Variants in MTMR10 observed in about 807,000 individuals in gnomAD.
MTMR10 encodes myotubularin related protein 10, also known as myotubularin-related protein 10.
A neutral mutation model predicts 88.1 loss-of-function variants in MTMR10; 56 were observed. That is an observed-to-expected ratio of 0.64 (90% CI 0.51 to 0.79). The LOEUF is 0.79. MTMR10 is among the 30% of genes least tolerant of loss of function. The pLI, the probability that MTMR10 is intolerant of heterozygous loss-of-function variation, is 0.00. For missense variants in MTMR10, 883 were observed against 924.7 expected (o/e 0.95, Z 0.58); for synonymous variants, 380 against 340.9 (o/e 1.11, Z -1.26).
At chr15:30,925,042 C>T in the MTMR10 span, 2 of 1,396,160 alleles carry the variant, frequency 1.4e-6, no homozygotes, top group African/African-American at 1.4e-5. Context: ...CAATAATAAA[C>T]AGTGGGCTTT....
At chr15:30,955,903 G>T (rs1391315243) in intron 9 of MTMR10, among the ~76,000 whole-genome samples, 55 of 151,494 alleles carry the variant, frequency 3.6e-4, no homozygotes, top group Non-Finnish European at 5.9e-5. Context: ...GGGGTCTCTA[G>T]ATCTTTTCAA....
chr15:30,930,382 G>C, the MTMR10 span, among the ~76,000 whole-genome samples: 15,766 of 152,166 alleles, frequency 0.1, 898 homozygotes, highest in African/African-American at 0.15. Flanking sequence ...CCATGGCTCT[G>C]CAGCTCTGGT....
intron 2 of MTMR10, among the ~76,000 whole-genome samples, chr15:30,989,402 C>T (rs994440569): frequency 1.3e-5 from 2 of 152,210 alleles, no homozygotes; most frequent in South Asian, 2.1e-4. Flanking sequence ...TTTAAACTTT[C>T]ATATGGAACC....
In MTMR10 at chr15:30,941,302, A is replaced by ATAAG; in HGVS notation, c.*164_*167dup. The ATAAG allele has an allele frequency of 2.0e-6, 3 of 1,521,538 alleles. No individual in the cohort carries two copies. The highest frequency in any genetic ancestry group is 2.4e-5 in the South Asian group (2 of 82,870). The allele number at this position is 1,521,538 out of a possible 1,614,324, so 94.3% of individuals were successfully genotyped here. On this transcript the variant is annotated 3_prime_UTR_variant, in exon 16 of 16. Transcript: ENST00000435680. ...GAACAAAATTTACATCTCTCTTAAA[A>ATAAG]TAAGTGTGAAAGAAGCATGATTCAA...
At position 30,944,609 on chromosome 15, in the gene MTMR10, T is replaced by C. The variant is rs948776059; in HGVS notation, c.1549-1537A>G. On this transcript the variant is annotated intron_variant, in intron 14 of 15. Coordinates refer to ENST00000435680, the MANE Select transcript of MTMR10 (RefSeq NM_017762.3). ...ATTTTAGTTACTTGACATTTCATCATGTACATGGATTAAAAACAATCCATT... is the reference window on the plus strand; with the variant it reads ...ATTTTAGTTACTTGACATTTCATCACGTACATGGATTAAAAACAATCCATT... 2.6e-5 allele frequency among the ~76,000 whole-genome samples: 4 copies of C among 151,758 alleles called. No individual in the cohort carries two copies. The East Asian group carries it at 5.8e-4, about 22-fold the overall frequency.
intron 2 of MTMR10, among the ~76,000 whole-genome samples, chr15:30,982,087 G>T (rs1290967580): frequency 7.0e-6 from 1 of 141,972 alleles, no homozygotes; most frequent in South Asian, 2.2e-4. Context: ...AAAAAGAAAA[G>T]AAAAAGAAAA....
chr15:30,929,270 T>A, the MTMR10 span: 1 of 1,613,668 alleles, frequency 6.2e-7, no homozygotes. Context: ...GAGGCCAGGC[T>A]GCAGCTGATT....
the MTMR10 span, among the ~76,000 whole-genome samples, chr15:30,932,208 C>T: frequency 1.1e-3 from 124 of 113,610 alleles, no homozygotes; most frequent in Admixed American, 5.0e-3. Context: ...GGCAACAGAG[C>T]GAGACTCCAT....
At chr15:30,991,408 C>A in intron 1 of MTMR10, 39 bp downstream of exon 1, 2 of 1,451,294 alleles carry the variant, frequency 1.4e-6, no homozygotes, top group Non-Finnish European at 1.8e-6. Flanking sequence ...CACGGAAGCG[C>A]AGAGGAGAGT....
Position 30,941,693 on chromosome 15 carries a change from A to AGG in MTMR10, c.2109_2110dup (p.Leu704ProfsTer42). 1 of 1,613,778 alleles carries AGG rather than the reference A, an allele frequency of 6.2e-7. No homozygotes were observed. The highest frequency in any genetic ancestry group is 8.5e-7 in the Non-Finnish European group (1 of 1,179,802). ...GCCCAGCTCCCCATAGCAGGCCTCC[A>AGG]GGGGGCCACTGCGCTGTTGCCGCAG... is the stretch of plus-strand genomic sequence containing the variant. On this transcript the variant is annotated frameshift_variant, in exon 16 of 16. Coordinates refer to ENST00000435680, the MANE Select transcript of MTMR10 (RefSeq NM_017762.3). LOFTEE classifies it high-confidence loss of function.
chr15:30,970,299 G>GA (rs2063521953), intron 5 of MTMR10, among the ~76,000 whole-genome samples: 2 of 151,960 alleles, frequency 1.3e-5, no homozygotes, highest in Non-Finnish European at 2.9e-5. Context: ...AAGATAAAGA[G>GA]AAAAAATACA....
chr15:30,981,061 T>C (rs1208376310), intron 2 of MTMR10, among the ~76,000 whole-genome samples: 2 of 152,252 alleles, frequency 1.3e-5, no homozygotes, highest in East Asian at 1.9e-4. Context: ...CTCAATGTCA[T>C]AGACTGAATG....
chr15:30,974,019 T>A (rs753873063), intron 5 of MTMR10, among the ~76,000 whole-genome samples: 1 of 152,220 alleles, frequency 6.6e-6, no homozygotes, highest in Non-Finnish European at 1.5e-5. Context: ...TTCAACCTTT[T>A]AACCAAGAAA....
At chr15:30,921,792 A>G in the MTMR10 span, among the ~76,000 whole-genome samples, 15 of 152,320 alleles carry the variant, frequency 9.8e-5, no homozygotes, top group African/African-American at 3.4e-4. Flanking sequence ...CTGTTGAGGT[A>G]GGGTGTTTGT....
In MTMR10 at chr15:30,959,117, G is replaced by C; in HGVS notation, c.763C>G (p.Pro255Ala). Residue 255 changes from proline (P) to alanine (A), a missense_variant, in exon 8 of 16, where the codon CCA becomes GCA. Pro to Ala is a conservative substitution (Grantham distance 27, BLOSUM62 -1). Coordinates refer to ENST00000435680, the MANE Select transcript of MTMR10 (RefSeq NM_017762.3). Reference sequence around the variant, plus strand: ...GAACTTGGCACTACAATGTATTCTGGAAGGCTGGAGGGGAAAAAAAAAATT... The same window carrying C: ...GAACTTGGCACTACAATGTATTCTGCAAGGCTGGAGGGGAAAAAAAAAATT... ...NEGYMISTCL[P>A]EYIVVPSSLA... 6.4e-7 allele frequency: 1 copy of C among 1,574,072 alleles called. No individual in the cohort carries two copies. Among genetic ancestry groups the C allele is most frequent in the African/African-American group, 1.4e-5 (1 of 72,674 alleles).
intron 2 of MTMR10, 83 bp from the exon 3 acceptor site, chr15:30,977,038 G>A (rs2141053599): frequency 7.6e-7 from 1 of 1,311,534 alleles, no homozygotes; most frequent in East Asian, 2.3e-5. Context: ...AGTGTTTCAT[G>A]AGGGCAAGGA....
intron 6 of MTMR10, among the ~76,000 whole-genome samples, chr15:30,962,488 A>C (rs1040396538): frequency 2.0e-5 from 3 of 152,158 alleles, no homozygotes; most frequent in Non-Finnish European, 4.4e-5. Flanking sequence ...ACTTTCAATA[A>C]GCTCATTTTC....
intron 3 of MTMR10, among the ~76,000 whole-genome samples, 171 bp from the exon 4 acceptor site, chr15:30,975,174 A>T (rs2030031658): frequency 6.6e-6 from 1 of 152,186 alleles, no homozygotes; most frequent in Non-Finnish European, 1.5e-5. Flanking sequence ...ATTAGGTTAA[A>T]ATGTACACAA....
chr15:30,983,095 A>C (rs569918997), intron 2 of MTMR10, among the ~76,000 whole-genome samples: 1 of 152,290 alleles, frequency 6.6e-6, no homozygotes, highest in South Asian at 2.1e-4. Flanking sequence ...TTATGCAGTA[A>C]AAGGGTGGTG....
Sources: allele counts gnomAD v4.1 joint callset (sites outside exome capture counted in the v4.1 genomes callset), GRCh38; gene constraint gnomAD v4.1.1; transcripts MANE v1.5; gene names NCBI Gene and HGNC (gene_info 2026-07-23, HGNC 2026-07-21).